The following POLR3G variants were observed in gnomAD, a reference collection of about 807,000 sequenced individuals.
POLR3G encodes the protein DNA-directed RNA polymerase III subunit RPC7.
POLR3G carries 28 observed loss-of-function variants against 30.1 expected under a neutral mutation model. That is an observed-to-expected ratio of 0.93 (90% CI 0.69 to 1.27). The LOEUF (loss-of-function observed/expected upper bound fraction) is 1.27. Among genes scored for constraint, POLR3G ranks in the 50% most tolerant of loss-of-function variants. The pLI is 0.00. For synonymous variants in POLR3G, 79 were observed against 82.5 expected (o/e 0.96, Z 0.23); for missense variants, 254 against 264.6 (o/e 0.96, Z 0.28).
chr5:90,504,694 T>C (rs969085449), intron 6 of POLR3G, among the ~76,000 whole-genome samples: 1 of 152,208 alleles, frequency 6.6e-6, no homozygotes, highest in Non-Finnish European at 1.5e-5. Flanking sequence ...GCACTACAAT[T>C]TCCTATTAAC....
chr5:90,512,225 A>ATAAG lies in POLR3G; in HGVS notation c.*89_*92dup, dbSNP rs1752774930. The ATAAG allele has an allele frequency of 1.1e-6, 1 of 873,966 alleles. No individual in the cohort carries two copies. Among genetic ancestry groups the ATAAG allele is most frequent in the African/African-American group, 1.7e-5 (1 of 59,386 alleles). The allele number at this position is 873,966 out of a possible 1,614,324, so 54.1% of individuals were successfully genotyped here. On this transcript the variant is annotated 3_prime_UTR_variant, in exon 8 of 8. Transcript: ENST00000651687. Reference sequence around the variant, plus strand: ...ATTTGTATTTTATTTCTGATAAGGAATAAGTACTTGTTTCTGTTGTTTTGG... The same window carrying ATAAG: ...ATTTGTATTTTATTTCTGATAAGGAATAAGTAAGTACTTGTTTCTGTTGTTTTGG...
At chr5:90,480,513 G>C (rs1207515587) in intron 1 of POLR3G, among the ~76,000 whole-genome samples, 1 of 152,190 alleles carries the variant, frequency 6.6e-6, no homozygotes, top group Non-Finnish European at 1.5e-5. Flanking sequence ...GATAAAAATG[G>C]AAATTTAGAG....
At chr5:90,474,288 G>A, upstream of POLR3G, 4 of 1,612,788 alleles carry the variant, frequency 2.5e-6, no homozygotes, top group African/African-American at 1.3e-5. Flanking sequence ...CTCGAGCGCC[G>A]ACATGCTGGG....
intron 1 of POLR3G, among the ~76,000 whole-genome samples, chr5:90,477,074 A>G (rs1385467270): frequency 6.6e-6 from 1 of 152,146 alleles, no homozygotes; most frequent in Non-Finnish European, 1.5e-5. Flanking sequence ...TGGGAGACAG[A>G]TAAGAGCTGA....
intron 3 of POLR3G, among the ~76,000 whole-genome samples, chr5:90,492,320 C>T (rs1200400375): frequency 6.6e-6 from 1 of 152,092 alleles, no homozygotes; most frequent in Non-Finnish European, 1.5e-5. Flanking sequence ...TACTTTGTAA[C>T]AAAAACCTGG....
chr5:90,478,538 C>A (rs1415444122), intron 1 of POLR3G, among the ~76,000 whole-genome samples: 1 of 121,280 alleles, frequency 8.2e-6, no homozygotes, highest in African/African-American at 3.2e-5. Context: ...CTTTCCTCTT[C>A]TGTAAAATGG....
chr5:90,478,097 A>G (rs1411068950), intron 1 of POLR3G, among the ~76,000 whole-genome samples: 1 of 152,220 alleles, frequency 6.6e-6, no homozygotes, highest in African/African-American at 2.4e-5. Context: ...AGGACAAGAC[A>G]TTTCAGTTAC....
intron 1 of POLR3G, among the ~76,000 whole-genome samples, chr5:90,479,012 G>A (rs1391051956): frequency 6.6e-6 from 1 of 151,070 alleles, no homozygotes; most frequent in East Asian, 1.9e-4. Context: ...AAGAAAGGGG[G>A]AAAAAAGCCT....
intron 1 of POLR3G, among the ~76,000 whole-genome samples, chr5:90,475,527 T>G (rs1460668158): frequency 1.3e-5 from 2 of 151,592 alleles, no homozygotes; most frequent in East Asian, 3.9e-4. Context: ...TTGTCTGCCC[T>G]TGGAAGAGAG....
At chr5:90,486,017 G>A (rs1271529481) in intron 2 of POLR3G, among the ~76,000 whole-genome samples, 3 of 152,086 alleles carry the variant, frequency 2.0e-5, no homozygotes, top group Non-Finnish European at 4.4e-5. Flanking sequence ...ATGGTTCTCA[G>A]TTCGCACCCT....
At chr5:90,480,462 C>G (rs894314378) in intron 1 of POLR3G, among the ~76,000 whole-genome samples, 24 of 152,082 alleles carry the variant, frequency 1.6e-4, no homozygotes, top group African/African-American at 5.1e-4. Flanking sequence ...AAGGGTGGTA[C>G]CTTCGCTAAT....
At chr5:90,509,455 A>G (rs973588930) in intron 7 of POLR3G, among the ~76,000 whole-genome samples, 14 of 152,246 alleles carry the variant, frequency 9.2e-5, no homozygotes, top group African/African-American at 2.9e-4. Context: ...TCTCAGGGAA[A>G]TTACTAGAGA....
chr5:90,491,882 T>C (rs1287270060), intron 3 of POLR3G, among the ~76,000 whole-genome samples: 1 of 152,224 alleles, frequency 6.6e-6, no homozygotes, highest in Non-Finnish European at 1.5e-5. Flanking sequence ...ATCACTATTA[T>C]GTCATCATAT....
chr5:90,484,280 A>AC (rs1243810343), intron 1 of POLR3G, among the ~76,000 whole-genome samples: 33 of 152,170 alleles, frequency 2.2e-4, no homozygotes, highest in Non-Finnish European at 4.7e-4. Flanking sequence ...GTTCTGAGTG[A>AC]TGCTGCTGCA....
At chr5:90,480,078 A>G (rs1190637988) in intron 1 of POLR3G, among the ~76,000 whole-genome samples, 3 of 152,246 alleles carry the variant, frequency 2.0e-5, no homozygotes, top group Non-Finnish European at 4.4e-5. Context: ...GGCTCCTAGC[A>G]CAGTGCCTGG....
chr5:90,486,662 C>T (rs756024605), intron 2 of POLR3G, among the ~76,000 whole-genome samples: 6 of 152,156 alleles, frequency 3.9e-5, no homozygotes, highest in Non-Finnish European at 8.8e-5. Flanking sequence ...ATGTGACCTC[C>T]CCAAGAGGCC....
At chr5:90,511,137 C>T (rs778958090) in intron 7 of POLR3G, among the ~76,000 whole-genome samples, 5 of 152,138 alleles carry the variant, frequency 3.3e-5, no homozygotes, top group African/African-American at 7.2e-5. Context: ...TCCCATTCCC[C>T]GTGCCCCATG....
At chr5:90,480,056 T>G (rs1751045772) in intron 1 of POLR3G, among the ~76,000 whole-genome samples, 2 of 152,204 alleles carry the variant, frequency 1.3e-5, no homozygotes, top group African/African-American at 4.8e-5. Flanking sequence ...ATATGATTGA[T>G]CAGTGCTCTC....
At chr5:90,474,438 G>C (rs976784843), upstream of POLR3G, 8 of 729,082 alleles carry the variant, frequency 1.1e-5, no homozygotes, top group African/African-American at 1.4e-4. Context: ...GTGGGATGCG[G>C]GGGTCGGAAT....
Sources: allele counts gnomAD v4.1 joint callset (sites outside exome capture counted in the v4.1 genomes callset), GRCh38; gene constraint gnomAD v4.1.1; transcripts MANE v1.5; gene names NCBI Gene and HGNC (gene_info 2026-07-23, HGNC 2026-07-21).